SNX29: variants seen among roughly 807,000 people sequenced by gnomAD.
SNX29 encodes sorting nexin 29, also known as sorting nexin-29.
In SNX29, 78 loss-of-function variants were observed where a neutral mutation model predicts 102.1. That is an observed-to-expected ratio of 0.76 (90% CI 0.64 to 0.92). The LOEUF is 0.92. Ranked by LOEUF, SNX29 falls within the 40% of genes least tolerant of loss-of-function variation. SNX29 has a pLI of 0.00. For missense variants in SNX29, 1,280 were observed against 1,061.7 expected, an observed-to-expected ratio of 1.21 and a Z score of -2.86; for synonymous variants, 580 against 414.5, an observed-to-expected ratio of 1.40 and a Z score of -4.85.
intron 18 of SNX29, among the ~76,000 whole-genome samples, chr16:12,417,143 G>C (rs566267279): frequency 6.6e-6 from 1 of 152,340 alleles, no homozygotes; most frequent in East Asian, 1.9e-4. Flanking sequence ...ATCAGGGGCG[G>C]TTTGCATTCT....
At chr16:12,102,277 T>A (rs193055535) in intron 11 of SNX29, among the ~76,000 whole-genome samples, 1 of 152,222 alleles carries the variant, frequency 6.6e-6, no homozygotes, top group Admixed American at 6.5e-5. Flanking sequence ...TTTGGGTATA[T>A]ACCCAGTAAT....
At chr16:12,432,468 C>G (rs898107664) in intron 18 of SNX29, among the ~76,000 whole-genome samples, 1 of 152,188 alleles carries the variant, frequency 6.6e-6, no homozygotes, top group African/African-American at 2.4e-5. Flanking sequence ...CAGGAAGACA[C>G]ATCTTCTGGA....
chr16:12,148,960 C>A (rs1036868601), intron 13 of SNX29, among the ~76,000 whole-genome samples: 1 of 152,146 alleles, frequency 6.6e-6, no homozygotes, highest in African/African-American at 2.4e-5. Flanking sequence ...CCTCAGCCTC[C>A]CAAAGTGCTG....
In SNX29 at chr16:12,571,669, G is replaced by T. The variant is rs2079190580; in HGVS notation, c.*3040G>T. 3 of 1,059,436 alleles carry T rather than the reference G, an allele frequency of 2.8e-6. No individual in the cohort carries two copies. The highest frequency in any genetic ancestry group is 3.4e-6 in the Non-Finnish European group (3 of 876,106). 65.6% of individuals were successfully genotyped at this position (1,059,436 alleles called of 1,614,324 possible). A position where few individuals can be genotyped will look rare whatever the true frequency, so the allele number is the denominator to read the frequency against. On this transcript the variant is annotated 3_prime_UTR_variant, in exon 21 of 21. Transcript: ENST00000566228. ...AGACGACTCAGGAACGGTAGGGCTGGGCAGAGGTGTCTCTCCTTGAGAGAC... is the reference window on the plus strand; with the variant it reads ...AGACGACTCAGGAACGGTAGGGCTGTGCAGAGGTGTCTCTCCTTGAGAGAC...
chr16:12,554,790 G>A (rs572490111), intron 20 of SNX29, among the ~76,000 whole-genome samples: 1 of 152,178 alleles, frequency 6.6e-6, no homozygotes, highest in African/African-American at 2.4e-5. Flanking sequence ...GAATGCAATT[G>A]TTTATTCTAG....
intron 15 of SNX29, among the ~76,000 whole-genome samples, chr16:12,298,058 T>C (rs2080040908): frequency 6.6e-6 from 1 of 152,206 alleles, no homozygotes; most frequent in Non-Finnish European, 1.5e-5. Flanking sequence ...CGATCCCAGC[T>C]ACTTGGGAGG....
At chr16:12,026,868 G>T (rs2057205491) in intron 3 of SNX29, among the ~76,000 whole-genome samples, 1 of 152,068 alleles carries the variant, frequency 6.6e-6, no homozygotes. Flanking sequence ...TTTCCAATTT[G>T]GCAGCCTGGT....
intron 18 of SNX29, among the ~76,000 whole-genome samples, chr16:12,455,474 C>T (rs896537868): frequency 1.3e-5 from 2 of 152,330 alleles, no homozygotes; most frequent in Non-Finnish European, 2.9e-5. Context: ...CTCTGGCTCC[C>T]AGAGCCCTGG....
chr16:12,006,867 C>G (rs2056471677), intron 3 of SNX29, among the ~76,000 whole-genome samples: 1 of 152,204 alleles, frequency 6.6e-6, no homozygotes. Context: ...GATCCTCCCA[C>G]CTTGGCCACC....
At chr16:12,483,616 A>G (rs183435207) in intron 19 of SNX29, among the ~76,000 whole-genome samples, 1 of 152,166 alleles carries the variant, frequency 6.6e-6, no homozygotes, top group Non-Finnish European at 1.5e-5. Flanking sequence ...CATCTGGCCC[A>G]TTAACTTTTA....
chr16:12,550,182 C>A (rs903855536), intron 20 of SNX29, among the ~76,000 whole-genome samples: 3 of 152,208 alleles, frequency 2.0e-5, no homozygotes, highest in African/African-American at 7.2e-5. Context: ...ATCTCCATGA[C>A]ATTATTACTA....
At chr16:12,335,019 C>T (rs909708200) in intron 15 of SNX29, among the ~76,000 whole-genome samples, 1 of 148,442 alleles carries the variant, frequency 6.7e-6, no homozygotes, top group African/African-American at 2.5e-5. Context: ...GAAAACAAAC[C>T]CTGCCAAGAT....
chr16:12,144,908 A>C (rs1567246983), intron 13 of SNX29, among the ~76,000 whole-genome samples: 1 of 152,156 alleles, frequency 6.6e-6, no homozygotes, highest in African/African-American at 2.4e-5. Context: ...TTTTTAGTAG[A>C]GACGGGGTTT....
At chr16:12,494,160 C>T (rs933140657) in intron 19 of SNX29, among the ~76,000 whole-genome samples, 1 of 152,132 alleles carries the variant, frequency 6.6e-6, no homozygotes, top group African/African-American at 2.4e-5. Flanking sequence ...CCAGCCTGGG[C>T]AAGACAGTGA....
Position 12,051,876 on chromosome 16 carries a change from A to G in SNX29, c.778A>G (p.Lys260Glu), listed in dbSNP as rs1174994126. ...CAAATGCAAAAAGGAGCGGAAGAAG[A>G]AAAAGAAAGTGACCAACATAATCTC... is the stretch of plus-strand genomic sequence containing the variant. ...DAKCKKERKK[K>E]KKVTNIISFD... The change falls in exon 8 of 21, where the codon AAA becomes GAA. Residue 260 changes from lysine to glutamate, a missense_variant. Lys to Glu is a moderately conservative substitution (Grantham distance 56). Coordinates refer to ENST00000566228, the MANE Select transcript of SNX29 (RefSeq NM_032167.5). 1.2e-6 allele frequency: 2 copies of G among 1,612,418 alleles called. No homozygotes were observed. The highest frequency in any genetic ancestry group is 3.3e-5 in the Admixed American group (2 of 59,840).
rs1598140421 is a variant in SNX29 at position 12,571,513 on chromosome 16, C to T, written c.*2884C>T. 6.4e-6 allele frequency: 4 copies of T among 626,524 alleles called. No individual in the cohort carries two copies. The South Asian group carries it at 2.3e-4, about 36-fold the overall frequency. The allele number at this position is 626,524 out of a possible 1,614,324, so 38.8% of individuals were successfully genotyped here. A position where few individuals can be genotyped will look rare whatever the true frequency, so the allele number is the denominator to read the frequency against. The stretch of plus-strand genomic sequence containing the variant: ...ACGAGGGTGGCCCACCTCTCAAGGG[C>T]CTTGGATTCCTGGGACCACCCTTTG... On this transcript the variant is annotated 3_prime_UTR_variant, in exon 21 of 21. Coordinates refer to ENST00000566228, the MANE Select transcript of SNX29 (RefSeq NM_032167.5).
chr16:12,153,604 G>A (rs1239209693), intron 13 of SNX29, among the ~76,000 whole-genome samples: 3 of 151,714 alleles, frequency 2.0e-5, no homozygotes, highest in East Asian at 3.9e-4. Context: ...CTCCCAAGTA[G>A]CTGGGATTAC....
chr16:12,544,803 C>G (rs1270981264), intron 20 of SNX29, among the ~76,000 whole-genome samples: 2 of 152,214 alleles, frequency 1.3e-5, no homozygotes, highest in Non-Finnish European at 2.9e-5. Context: ...TTCTAGAGAC[C>G]AAACTCTTGA....
chr16:12,228,215 C>G (rs138534005), intron 14 of SNX29, among the ~76,000 whole-genome samples: 226 of 152,348 alleles, frequency 1.5e-3, no homozygotes, highest in African/African-American at 4.8e-3. Context: ...CTGAAATGTT[C>G]TCGGTCTCTG....
Sources: allele counts gnomAD v4.1 joint callset (sites outside exome capture counted in the v4.1 genomes callset), GRCh38; gene constraint gnomAD v4.1.1; transcripts MANE v1.5; gene names NCBI Gene and HGNC (gene_info 2026-07-23, HGNC 2026-07-21).